NRG3: variants seen among roughly 807,000 people sequenced by gnomAD.
NRG3 encodes pro-neuregulin-3, membrane-bound isoform.
Under a neutral mutation model 66.9 loss-of-function variants are expected in NRG3, and 31 were observed. That is an observed-to-expected ratio of 0.46 (90% confidence interval 0.35 to 0.63). The LOEUF is 0.63. Among genes scored for constraint, NRG3 ranks in the 20% least tolerant of loss-of-function variants. The pLI is 0.00. For synonymous variants in NRG3, 393 were observed against 359.4 expected, an observed-to-expected ratio of 1.09 and a Z score of -1.06; for missense variants, 910 against 878.9, an observed-to-expected ratio of 1.04 and a Z score of -0.45.
At chr10:82,155,117 G>A (rs546208040) in intron 1 of NRG3, among the ~76,000 whole-genome samples, 16 of 151,780 alleles carry the variant, frequency 1.1e-4, no homozygotes, top group African/African-American at 3.1e-4. Flanking sequence ...CAGCATGGAG[G>A]ACTCTGATAC....
At chr10:82,151,382 T>A (rs1053848366) in intron 1 of NRG3, among the ~76,000 whole-genome samples, 4 of 152,214 alleles carry the variant, frequency 2.6e-5, no homozygotes, top group African/African-American at 9.6e-5. Flanking sequence ...TTTCTAATCA[T>A]TGAAATCTTA....
At chr10:82,657,129 T>C (rs2051934503) in intron 2 of NRG3, among the ~76,000 whole-genome samples, 1 of 152,196 alleles carries the variant, frequency 6.6e-6, no homozygotes, top group South Asian at 2.1e-4. Flanking sequence ...TACCTTGAAA[T>C]CCTCATACTT....
intron 1 of NRG3, among the ~76,000 whole-genome samples, chr10:82,265,647 T>A (rs1407309798): frequency 6.6e-6 from 1 of 152,186 alleles, no homozygotes; most frequent in Non-Finnish European, 1.5e-5. Flanking sequence ...GTTAACAAAC[T>A]GAGAAACCAT....
At chr10:82,374,769 G>A (rs1375912421) in intron 2 of NRG3, among the ~76,000 whole-genome samples, 1 of 152,112 alleles carries the variant, frequency 6.6e-6, no homozygotes, top group Non-Finnish European at 1.5e-5. Context: ...CCACCCTAGA[G>A]GTCCTTTAGT....
At chr10:82,354,979 A>T (rs1473080516) in intron 1 of NRG3, among the ~76,000 whole-genome samples, 1 of 152,196 alleles carries the variant, frequency 6.6e-6, no homozygotes, top group African/African-American at 2.4e-5. Flanking sequence ...CATCCATATA[A>T]TTGTTTTGAA....
intron 4 of NRG3, among the ~76,000 whole-genome samples, chr10:82,893,194 A>G (rs568931201): frequency 6.6e-6 from 1 of 152,164 alleles, no homozygotes; most frequent in Non-Finnish European, 1.5e-5. Flanking sequence ...ACAAATAACA[A>G]CATTCTAGTG....
At chr10:82,044,270 G>T (rs1364515083) in intron 1 of NRG3, among the ~76,000 whole-genome samples, 2 of 152,016 alleles carry the variant, frequency 1.3e-5, no homozygotes, top group East Asian at 3.9e-4. Flanking sequence ...TGTAGTTCAG[G>T]GTTGCAGGTG....
intron 4 of NRG3, among the ~76,000 whole-genome samples, chr10:82,946,162 T>A (rs1848996007): frequency 6.6e-6 from 1 of 151,454 alleles, no homozygotes; most frequent in Non-Finnish European, 1.5e-5. Flanking sequence ...TGTGCAAGGC[T>A]TTTTGATAGT....
chr10:82,261,101 C>A (rs1458896326), intron 1 of NRG3, among the ~76,000 whole-genome samples: 1 of 151,958 alleles, frequency 6.6e-6, no homozygotes, highest in Non-Finnish European at 1.5e-5. Context: ...GGCTGTGTCC[C>A]CACCCAAAAT....
At chr10:82,931,079 A>G (rs74852263) in intron 4 of NRG3, among the ~76,000 whole-genome samples, 14,280 of 152,148 alleles carry the variant, frequency 0.094, 900 homozygotes, top group African/African-American at 0.17. Flanking sequence ...CATGAAGGAC[A>G]AGCAGCCACT....
At chr10:82,509,063 T>C (rs1844933923) in intron 2 of NRG3, among the ~76,000 whole-genome samples, 1 of 151,962 alleles carries the variant, frequency 6.6e-6, no homozygotes, top group African/African-American at 2.4e-5. Context: ...TATCACAGAG[T>C]TTTCCATAAA....
chr10:82,941,859 G>C (rs552053599), intron 4 of NRG3, among the ~76,000 whole-genome samples: 1 of 152,314 alleles, frequency 6.6e-6, no homozygotes, highest in East Asian at 1.9e-4. Flanking sequence ...GGTATAGTTG[G>C]TTGATTTTTA....
At chr10:82,147,680 A>C (rs1028138796) in intron 1 of NRG3, among the ~76,000 whole-genome samples, 1 of 152,180 alleles carries the variant, frequency 6.6e-6, no homozygotes, top group African/African-American at 2.4e-5. Context: ...AGACCTTTTG[A>C]GTAGGGATGA....
At chr10:81,983,738 T>C (rs1373942172) in intron 1 of NRG3, among the ~76,000 whole-genome samples, 2 of 152,222 alleles carry the variant, frequency 1.3e-5, no homozygotes, top group Non-Finnish European at 1.5e-5. Context: ...ACCTAAAATG[T>C]TGTACAGCTC....
chr10:82,329,475 C>T lies in NRG3; in HGVS notation c.824-29264C>T, dbSNP rs562078858. On this transcript the variant is annotated intron_variant, in intron 1 of 8. Coordinates refer to ENST00000372141, the MANE Select transcript of NRG3 (RefSeq NM_001010848.4). ...TTTTTTTAAAGAAAAAAAAGAATTA[C>T]TGGAAATTACATTTCAGGGGCACAT... 1.3e-3 allele frequency among the ~76,000 whole-genome samples: 166 copies of T among 132,516 alleles called. 3 individuals are homozygous for T. Among genetic ancestry groups the T allele is most frequent in the South Asian group, 7.7e-3 (30 of 3,872 alleles). The allele number at this position is 132,516 out of a possible 152,430, so 86.9% of individuals were successfully genotyped here.
intron 3 of NRG3, among the ~76,000 whole-genome samples, chr10:82,859,395 T>G (rs1404399220): frequency 6.6e-6 from 1 of 152,212 alleles, no homozygotes; most frequent in African/African-American, 2.4e-5. Context: ...GGCTGATGCT[T>G]AAACCCACAT....
intron 1 of NRG3, among the ~76,000 whole-genome samples, chr10:82,306,485 C>T (rs1347951094): frequency 1.3e-5 from 2 of 151,584 alleles, no homozygotes; most frequent in East Asian, 2.0e-4. Context: ...GGGCGGATCA[C>T]GAGGTCAGGA....
rs1845683453 is a variant in NRG3 at position 82,914,851 on chromosome 10, A to G, written c.1055-36618A>G. On this transcript the variant is annotated intron_variant, in intron 4 of 8. Transcript: ENST00000372141. Reference sequence around the variant, plus strand: ...ATGTTGAATGTTAGAGGAAGCTGTAATTGGGTATTTCTCATGGTGGTTAGG... The same window carrying G: ...ATGTTGAATGTTAGAGGAAGCTGTAGTTGGGTATTTCTCATGGTGGTTAGG... Among the ~76,000 whole-genome samples, 3 of 152,066 alleles carry G rather than the reference A, an allele frequency of 2.0e-5. No individual in the cohort carries two copies. The South Asian group carries it at 6.2e-4, about 32-fold the overall frequency.
intron 1 of NRG3, among the ~76,000 whole-genome samples, chr10:81,958,717 C>G (rs1363669415): frequency 1.3e-5 from 2 of 152,106 alleles, no homozygotes; most frequent in African/African-American, 2.4e-5. Flanking sequence ...TGGTGAAATC[C>G]TGTCTGTACT....
Sources: gnomAD v4.1 joint callset for allele counts (sites outside exome capture counted in the v4.1 genomes callset) on GRCh38, gnomAD v4.1.1 for gene constraint, MANE v1.5 for transcripts, NCBI Gene and HGNC (gene_info 2026-07-23, HGNC 2026-07-21) for gene names.